Variants in MRPL34 observed in about 807,000 individuals in gnomAD.
MRPL34 encodes mitochondrial ribosomal protein L34.
A neutral mutation model predicts 6.7 loss-of-function variants in MRPL34; 8 were observed. That is an observed-to-expected ratio of 1.20 (90% CI 0.70 to 2.16). The LOEUF (loss-of-function observed/expected upper bound fraction) is 2.16. Ranked by LOEUF, MRPL34 falls within the 30% of genes most tolerant of loss-of-function variation. The pLI is 0.00. For synonymous variants in MRPL34, 59 were observed against 55.1 expected, an observed-to-expected ratio of 1.07 and a Z score of -0.31; for missense variants, 146 against 125.5, an observed-to-expected ratio of 1.16 and a Z score of -0.78.
chr19:17,301,688 G>A (rs1238428488), upstream of MRPL34: 1 of 1,452,588 alleles, frequency 6.9e-7, no homozygotes, highest in Non-Finnish European at 9.0e-7. Flanking sequence ...CCGTGCAGCA[G>A]GCACTCCCTG....
intron 1 of MRPL34, chr19:17,294,905 C>T (rs1014087353): frequency 3.8e-6 from 6 of 1,572,896 alleles, no homozygotes; most frequent in Non-Finnish European, 4.3e-6. Flanking sequence ...AGGATACAAG[C>T]AGTGACCATT....
chr19:17,306,158 C>G lies in MRPL34; in HGVS notation c.66-8C>G. 1 of 1,518,058 alleles carries G rather than the reference C, an allele frequency of 6.6e-7. No individual in the cohort carries two copies. The allele number at this position is 1,518,058 out of a possible 1,614,324, so 94.0% of individuals were successfully genotyped here. A position where few individuals can be genotyped will look rare whatever the true frequency, so the allele number is the denominator to read the frequency against. On this transcript the variant is annotated splice_region_variant and splice_polypyrimidine_tract_variant and intron_variant, in intron 1 of 1. Transcript: ENST00000252602. ...CTGACCTTTCTCGCCGTCCCTCTAC[C>G]CACGCAGGTGGCTCCAGCCCCGGGC...
At chr19:17,293,807 A>G (rs915343538) in intron 1 of MRPL34, among the ~76,000 whole-genome samples, 1 of 150,494 alleles carries the variant, frequency 6.6e-6, no homozygotes, top group Non-Finnish European at 1.5e-5. Flanking sequence ...GATCCGCCCC[A>G]CTCAGCCTCC....
intron 1 of MRPL34, chr19:17,294,360 G>C (rs776978981): frequency 2.5e-6 from 4 of 1,613,620 alleles, no homozygotes; most frequent in South Asian, 1.1e-5. Context: ...GGACGGGCAC[G>C]GTGAGCTCGG....
chr19:17,306,322 C>T lies in MRPL34; in HGVS notation c.222C>T (p.Ala74=), dbSNP rs750730318. The change falls in exon 2 of 2, where the codon GCC becomes GCT. Residue 74 remains alanine (A), a synonymous_variant. Coordinates refer to ENST00000252602, the MANE Select transcript of MRPL34 (RefSeq NM_023937.4). ...HGWVRRLSTP[A]GVQVILRRML... ...GGGTCCGGCGCCTGAGCACGCCGGC[C>T]GGCGTGCAGGTCATCCTTCGCCGAA... 1.9e-5 allele frequency: 30 copies of T among 1,610,186 alleles called. No homozygotes were observed. In the East Asian group the frequency reaches 4.7e-4, roughly 25 times the overall value.
intron 1 of MRPL34, among the ~76,000 whole-genome samples, chr19:17,293,354 C>T (rs1872854582): frequency 6.6e-6 from 1 of 151,936 alleles, no homozygotes; most frequent in Admixed American, 6.6e-5. Context: ...GCCTCGGTCT[C>T]CCAAAGTGCT....
chr19:17,293,450 CT>C lies in MRPL34; in HGVS notation c.214+599del. Among the ~76,000 whole-genome samples, 2 of 87,240 alleles carry C rather than the reference CT, an allele frequency of 2.3e-5. 1 individual carries two copies. Among genetic ancestry groups the C allele is most frequent in the South Asian group, 9.6e-4 (2 of 2,084 alleles). The allele number at this position is 87,240 out of a possible 152,430, so 57.2% of individuals were successfully genotyped here. A position where few individuals can be genotyped will look rare whatever the true frequency, so the allele number is the denominator to read the frequency against. On this transcript the variant is annotated intron_variant, in intron 1 of 2. Transcript: ENST00000595444. Reference sequence around the variant, plus strand: ...TACCAACATTAGGAGCTGGATCATTCTTTGCTGGGGGGGCGGGGGTGGGCGG... The same window carrying C: ...TACCAACATTAGGAGCTGGATCATTCTTGCTGGGGGGGCGGGGGTGGGCGG...
upstream of MRPL34, chr19:17,303,387 G>T (rs2074130824): frequency 6.6e-6 from 1 of 152,218 alleles, no homozygotes; most frequent in African/African-American, 2.4e-5. Context: ...GGCGGTCAGC[G>T]CAGGGGCATC....
chr19:17,305,335 CCT>C (rs2074140830), upstream of MRPL34, among the ~76,000 whole-genome samples: 1 of 151,292 alleles, frequency 6.6e-6, no homozygotes, highest in Admixed American at 6.6e-5. Flanking sequence ...GCTTGCAATC[CCT>C]GAGTTTACAG....
chr19:17,301,423 G>C (rs370070131), upstream of MRPL34: 6 of 1,612,134 alleles, frequency 3.7e-6, no homozygotes, highest in Admixed American at 5.0e-5. Context: ...GGCTGCATCC[G>C]AGGATGCGGA....
intron 1 of MRPL34, chr19:17,297,653 T>C (rs1449503409): frequency 6.6e-6 from 1 of 152,142 alleles, no homozygotes; most frequent in Non-Finnish European, 1.5e-5. Context: ...TTGAGTATGT[T>C]ATATAAAGAA....
chr19:17,304,836 C>T (rs1227292781), upstream of MRPL34, among the ~76,000 whole-genome samples: 1 of 152,074 alleles, frequency 6.6e-6, no homozygotes, highest in Non-Finnish European at 1.5e-5. Context: ...GGCTGCAGTG[C>T]ATTGGCGCTA....
At chr19:17,305,518 C>A (rs780836316), upstream of MRPL34, 1 of 288,056 alleles carries the variant, frequency 3.5e-6, no homozygotes. Context: ...GAAGACCAAC[C>A]AGCCGCTTCC....
intron 1 of MRPL34, among the ~76,000 whole-genome samples, chr19:17,297,549 C>T (rs1198999954): frequency 6.6e-6 from 1 of 152,096 alleles, no homozygotes; most frequent in Non-Finnish European, 1.5e-5. Flanking sequence ...CTGCCTCGGC[C>T]TCCAAAAGTT....
At chr19:17,300,974 C>T, upstream of MRPL34, 1 of 1,613,488 alleles carries the variant, frequency 6.2e-7, no homozygotes, top group Non-Finnish European at 8.5e-7. Context: ...GCAGAGCTGG[C>T]CCCGTGGCCG....
intron 1 of MRPL34, among the ~76,000 whole-genome samples, chr19:17,295,299 G>T (rs1367769076): frequency 1.3e-5 from 2 of 152,048 alleles, no homozygotes; most frequent in East Asian, 3.9e-4. Flanking sequence ...TAGAGATGGG[G>T]TTTCACCATG....
rs544329143 is a variant in MRPL34 at position 17,294,602 on chromosome 19, C to G, written c.214+1748C>G. On this transcript the variant is annotated intron_variant, in intron 1 of 2. Coordinates refer to the MRPL34 transcript ENST00000595444. ...CCTAGTCCCAGCGGTACAGTCCCCC[C>G]TCCCATCCAACTCGAGCAGATGCCT... 5.0e-6 allele frequency: 8 copies of G among 1,606,654 alleles called. No homozygotes were observed. The East Asian group carries it at 1.6e-4, about 31-fold the overall frequency.
intron 1 of MRPL34, chr19:17,294,720 C>G: frequency 1.2e-6 from 2 of 1,614,184 alleles, no homozygotes; most frequent in South Asian, 2.2e-5. Context: ...GTGCAGGACG[C>G]AGGTGGGCAT....
chr19:17,301,252 G>A (rs1210659112), upstream of MRPL34: 2 of 1,598,146 alleles, frequency 1.3e-6, no homozygotes, highest in African/African-American at 1.3e-5. Flanking sequence ...CGCCGGATCT[G>A]CCAGCTCCAC....
Sources: gnomAD v4.1 joint callset for allele counts (sites outside exome capture counted in the v4.1 genomes callset) on GRCh38, gnomAD v4.1.1 for gene constraint, MANE v1.5 for transcripts, NCBI Gene and HGNC (gene_info 2026-07-23, HGNC 2026-07-21) for gene names.